Variants in PGBD2 observed in about 807,000 individuals in gnomAD.
The protein encoded by PGBD2 is piggyBac transposable element-derived protein 2.
A neutral mutation model predicts 8.1 loss-of-function variants in PGBD2; 6 were observed. The ratio of observed to expected loss-of-function variants is 0.74; its 90% CI spans 0.40 to 1.46. The LOEUF (loss-of-function observed/expected upper bound fraction) is 1.46, where lower values mean the gene tolerates loss of function less well. Among genes scored for constraint, PGBD2 ranks in the 40% most tolerant of loss-of-function variants. The pLI, the probability that PGBD2 is intolerant of heterozygous loss-of-function variation, is 0.02. For missense variants in PGBD2, 802 were observed against 739.0 expected (o/e 1.09, Z -0.99); for synonymous variants, 318 against 272.2 (o/e 1.17, Z -1.66).
chr1:248,910,078 T>C (rs1661810654), intron 1 of PGBD2, among the ~76,000 whole-genome samples: 1 of 152,232 alleles, frequency 6.6e-6, no homozygotes, highest in Admixed American at 6.5e-5. Context: ...GTGAAGCAAC[T>C]GTGACATGGT....
chr1:248,907,715 CT>C (rs1661708541), intron 1 of PGBD2, among the ~76,000 whole-genome samples: 1 of 152,230 alleles, frequency 6.6e-6, no homozygotes, highest in African/African-American at 2.4e-5. Context: ...CCCTAGACCC[CT>C]TAAACCTTGA....
the PGBD2 span, among the ~76,000 whole-genome samples, chr1:248,876,840 A>G: frequency 6.6e-6 from 1 of 152,168 alleles, no homozygotes; most frequent in Non-Finnish European, 1.5e-5. Flanking sequence ...GATTTTGTTC[A>G]TATTTGGGTT....
At chr1:248,892,841 A>C in the PGBD2 span, among the ~76,000 whole-genome samples, 1 of 152,132 alleles carries the variant, frequency 6.6e-6, no homozygotes, top group Non-Finnish European at 1.5e-5. Flanking sequence ...CAGGCTAACC[A>C]CTCAGGTAGT....
the PGBD2 span, among the ~76,000 whole-genome samples, chr1:248,900,387 T>C: frequency 6.6e-6 from 1 of 152,210 alleles, no homozygotes; most frequent in Non-Finnish European, 1.5e-5. Flanking sequence ...TCAAAAAGCT[T>C]ATCCACCATG....
chr1:248,929,586 C>A, the PGBD2 span, among the ~76,000 whole-genome samples: 3 of 152,168 alleles, frequency 2.0e-5, no homozygotes, highest in African/African-American at 7.2e-5. Flanking sequence ...TGTAGAACAT[C>A]GTATTTAGCA....
chr1:248,889,647 C>G, the PGBD2 span, among the ~76,000 whole-genome samples: 1 of 152,092 alleles, frequency 6.6e-6, no homozygotes, highest in Non-Finnish European at 1.5e-5. Context: ...AGCTCGGGGA[C>G]AGGGAAAGGA....
the PGBD2 span, among the ~76,000 whole-genome samples, chr1:248,873,415 A>G: frequency 3.3e-5 from 5 of 152,334 alleles, no homozygotes; most frequent in African/African-American, 7.2e-5. Context: ...CAGGCACAAT[A>G]AAGCAGAAAG....
the PGBD2 span, among the ~76,000 whole-genome samples, chr1:248,879,834 T>G: frequency 6.6e-6 from 1 of 152,198 alleles, no homozygotes; most frequent in South Asian, 2.1e-4. Flanking sequence ...TTTCCATTTG[T>G]GTGATTATGG....
the PGBD2 span, among the ~76,000 whole-genome samples, chr1:248,882,372 T>C: frequency 6.6e-6 from 1 of 152,312 alleles, no homozygotes; most frequent in African/African-American, 2.4e-5. Flanking sequence ...GAATTTACAA[T>C]ATAGTGTGTG....
chr1:248,883,373 C>A, the PGBD2 span, among the ~76,000 whole-genome samples: 1 of 152,106 alleles, frequency 6.6e-6, no homozygotes, highest in Non-Finnish European at 1.5e-5. Context: ...TCCGCCGCCT[C>A]GGCCTCCCAA....
chr1:248,886,055 C>G, the PGBD2 span, among the ~76,000 whole-genome samples: 1 of 152,024 alleles, frequency 6.6e-6, no homozygotes, highest in Admixed American at 6.6e-5. Context: ...AGAAACGTGT[C>G]TTATGATATT....
At chr1:248,907,533 A>T (rs1661702179) in intron 1 of PGBD2, among the ~76,000 whole-genome samples, 1 of 151,924 alleles carries the variant, frequency 6.6e-6, no homozygotes. Flanking sequence ...GCTGTATTTC[A>T]GACTATCACA....
chr1:248,875,761 G>A, the PGBD2 span, among the ~76,000 whole-genome samples: 5,894 of 152,214 alleles, frequency 0.039, 378 homozygotes, highest in African/African-American at 0.13. Context: ...GTCCATGCAC[G>A]TTTGTGTTTT....
downstream of PGBD2, among the ~76,000 whole-genome samples, chr1:248,920,263 A>G (rs1225471436): frequency 6.6e-6 from 1 of 152,086 alleles, no homozygotes; most frequent in African/African-American, 2.4e-5. Context: ...CCTGTCACCT[A>G]CATTAGGTAT....
At chr1:248,914,234 T>A (rs1008389717) in intron 2 of PGBD2, among the ~76,000 whole-genome samples, 2 of 152,146 alleles carry the variant, frequency 1.3e-5, no homozygotes, top group African/African-American at 2.4e-5. Flanking sequence ...AGAAGTTGTT[T>A]GAGAGTCTGG....
the PGBD2 span, among the ~76,000 whole-genome samples, chr1:248,882,682 C>A: frequency 6.6e-6 from 1 of 152,166 alleles, no homozygotes; most frequent in Non-Finnish European, 1.5e-5. Flanking sequence ...GGTTGCATTC[C>A]ATTCCCAGAG....
chr1:248,926,142 A>G, the PGBD2 span, among the ~76,000 whole-genome samples: 1 of 152,018 alleles, frequency 6.6e-6, no homozygotes, highest in African/African-American at 2.4e-5. Flanking sequence ...AAAGGTGGTG[A>G]TGCCCTGAAA....
At chr1:248,895,981 C>T in the PGBD2 span, among the ~76,000 whole-genome samples, 45 of 152,090 alleles carry the variant, frequency 3.0e-4, no homozygotes, top group South Asian at 5.0e-3. Flanking sequence ...CTACTGCACC[C>T]GGCCCACTGT....
downstream of PGBD2, chr1:248,920,056 T>G (rs1017986971): frequency 2.0e-5 from 3 of 151,952 alleles, no homozygotes; most frequent in African/African-American, 7.2e-5. Context: ...TTTCTATTTT[T>G]AGTAGAGATG....
Sources: gnomAD v4.1 joint callset for allele counts (sites outside exome capture counted in the v4.1 genomes callset) on GRCh38, gnomAD v4.1.1 for gene constraint, MANE v1.5 for transcripts, NCBI Gene and HGNC (gene_info 2026-07-23, HGNC 2026-07-21) for gene names.